B3GALT9: variants seen among roughly 807,000 people sequenced by gnomAD.
The protein encoded by B3GALT9 is UDP-GlcNAc:betaGal beta-1,3-N-acetylglucosaminyltransferase 10 (putative).
rs1169606280 is a variant in B3GALT9 at position 120,800,828 on chromosome 9, A to G, written c.*1150A>G. ...GATAGAGCTCTTGAACTTATTCCTC[A>G]TGTCTAACAAAAATGTTGGATCTCT... is the stretch of plus-strand genomic sequence containing the variant. On this transcript the variant is annotated 3_prime_UTR_variant, in exon 3 of 3. Coordinates refer to ENST00000689072, the MANE Select transcript of B3GALT9 (RefSeq NM_001386823.1). Among the ~76,000 whole-genome samples the G allele has an allele frequency of 6.6e-6, 1 of 152,202 alleles. No individual in the cohort carries two copies. The highest frequency in any genetic ancestry group is 1.5e-5 in the Non-Finnish European group (1 of 68,034).
At chr9:120,797,357 T>G (rs1188056987) in intron 2 of B3GALT9, among the ~76,000 whole-genome samples, 1 of 151,646 alleles carries the variant, frequency 6.6e-6, no homozygotes, top group Non-Finnish European at 1.5e-5. Flanking sequence ...AATACCAAAA[T>G]TAGCCAGGCG....
rs1290063884 is a variant in B3GALT9, at chr9:120,799,015, A to T, written c.447A>T (p.Gly149=). 2.5e-6 allele frequency: 1 copy of T among 398,958 alleles called. No homozygotes were observed. The highest frequency in any genetic ancestry group is 4.4e-5 in the Admixed American group (1 of 22,720). 24.7% of individuals were successfully genotyped at this position (398,958 alleles called of 1,614,324 possible). Residue 149 remains glycine (G), a synonymous_variant, in exon 3 of 3, where the codon GGA becomes GGT. Transcript: ENST00000689072. ...GTAAGAATAATGATATAATTGAAGG[A>T]ATCTTCTTGGACAGTTCTGAGAACC... The part of the protein sequence containing the change: ...ESCKNNDIIE[G]IFLDSSENQT...
chr9:120,793,646 T>C lies in B3GALT9; in HGVS notation c.-458T>C, dbSNP rs1441592861. 1 of 398,784 alleles carries C rather than the reference T, an allele frequency of 2.5e-6. No homozygotes were observed. Among genetic ancestry groups the C allele is most frequent in the Non-Finnish European group, 4.4e-6 (1 of 226,144 alleles). The allele number at this position is 398,784 out of a possible 1,614,324, so 24.7% of individuals were successfully genotyped here. A position where few individuals can be genotyped will look rare whatever the true frequency, so the allele number is the denominator to read the frequency against. ...GTACATCCAGGTTTGCACAGCGCGC[T>C]TATGTCCCTCCTCCAATCTGATCTT... On this transcript the variant is annotated 5_prime_UTR_variant, in exon 1 of 3. Coordinates refer to ENST00000689072, the MANE Select transcript of B3GALT9 (RefSeq NM_001386823.1).
intron 2 of B3GALT9, among the ~76,000 whole-genome samples, 185 bp downstream of exon 2, chr9:120,796,794 C>T (rs924510991): frequency 2.6e-5 from 4 of 152,222 alleles, no homozygotes; most frequent in Admixed American, 6.5e-5. Flanking sequence ...CGGTGGCTCA[C>T]GCCTGTCATC....
At position 120,800,032 on chromosome 9, in the gene B3GALT9, C is replaced by T. The variant is rs1351850430; in HGVS notation, c.*354C>T. The stretch of plus-strand genomic sequence containing the variant: ...TGGCGCAATCTCGACTCACTGCAAC[C>T]TCCACCGCCTGGGCTCAAGGGATCC... On this transcript the variant is annotated 3_prime_UTR_variant, in exon 3 of 3. Coordinates refer to ENST00000689072, the MANE Select transcript of B3GALT9 (RefSeq NM_001386823.1). The T allele has an allele frequency of 1.9e-5, 3 of 157,074 alleles. No homozygotes were observed. The highest frequency in any genetic ancestry group is 4.2e-5 in the Non-Finnish European group (3 of 71,754). 9.7% of individuals were successfully genotyped at this position (157,074 alleles called of 1,614,324 possible).
At chr9:120,795,273 T>A (rs139521708) in intron 1 of B3GALT9, among the ~76,000 whole-genome samples, 1 of 152,156 alleles carries the variant, frequency 6.6e-6, no homozygotes, top group Non-Finnish European at 1.5e-5. Context: ...CAAGCACCCA[T>A]ATCTCTTTGG....
Position 120,800,699 on chromosome 9 carries a change from C to G in B3GALT9, c.*1021C>G, listed in dbSNP as rs192985408. 3.3e-5 allele frequency among the ~76,000 whole-genome samples: 5 copies of G among 152,278 alleles called. No individual in the cohort carries two copies. ...GCTAAATCAAGCTATTTAACACATG[C>G]ATCACCTGACATACTTTTTTGTAGT... On this transcript the variant is annotated 3_prime_UTR_variant, in exon 3 of 3. Transcript: ENST00000689072.
At chr9:120,795,449 T>A (rs565298717) in intron 1 of B3GALT9, among the ~76,000 whole-genome samples, 9 of 152,286 alleles carry the variant, frequency 5.9e-5, no homozygotes, top group Admixed American at 2.0e-4. Context: ...TATAAAAAAA[T>A]TTTTAAATTG....
In B3GALT9 at chr9:120,799,032, C is replaced by G. The variant is rs182917747; in HGVS notation, c.464C>G (p.Ser155Cys). 2.7e-4 allele frequency: 106 copies of G among 399,062 alleles called. No homozygotes were observed. The highest frequency in any genetic ancestry group is 1.0e-3 in the South Asian group (8 of 7,848). The allele number at this position is 399,062 out of a possible 1,614,324, so 24.7% of individuals were successfully genotyped here. A position where few individuals can be genotyped will look rare whatever the true frequency, so the allele number is the denominator to read the frequency against. ...ATTGAAGGAATCTTCTTGGACAGTTCTGAGAACCAAACCCTGAAGATCATT... is the reference window on the plus strand; with the variant it reads ...ATTGAAGGAATCTTCTTGGACAGTTGTGAGAACCAAACCCTGAAGATCATT... ...DIIEGIFLDSSENQTLKIIAM... is the reference protein window; with the variant it reads ...DIIEGIFLDSCENQTLKIIAM... The change falls in exon 3 of 3, where the codon TCT (serine) becomes TGT (cysteine). Residue 155 changes from serine (S) to cysteine (C), a missense_variant. Transcript: ENST00000689072.
chr9:120,796,001 G>A (rs2044936483), intron 1 of B3GALT9, among the ~76,000 whole-genome samples: 1 of 152,144 alleles, frequency 6.6e-6, no homozygotes. Context: ...TGCTTGCATA[G>A]CCAATACTAG....
At position 120,801,453 on chromosome 9, in the gene B3GALT9, A is replaced by G. The variant is rs1398985558; in HGVS notation, c.*1775A>G. Among the ~76,000 whole-genome samples the G allele has an allele frequency of 6.6e-6, 1 of 151,990 alleles. No individual in the cohort carries two copies. The highest frequency in any genetic ancestry group is 2.4e-5 in the African/African-American group (1 of 41,340). On this transcript the variant is annotated 3_prime_UTR_variant, in exon 3 of 3. Coordinates refer to ENST00000689072, the MANE Select transcript of B3GALT9 (RefSeq NM_001386823.1). ...CCTTTGGTCATTTCTAAGTCAGGTTATTTGGGCAGGGCACAGTGGCTCATG... is the reference window on the plus strand; with the variant it reads ...CCTTTGGTCATTTCTAAGTCAGGTTGTTTGGGCAGGGCACAGTGGCTCATG...
chr9:120,801,062 G>A lies in B3GALT9; in HGVS notation c.*1384G>A, dbSNP rs1214923802. 6.6e-6 allele frequency among the ~76,000 whole-genome samples: 1 copy of A among 152,180 alleles called. No individual in the cohort carries two copies. Among genetic ancestry groups the A allele is most frequent in the Admixed American group, 6.5e-5 (1 of 15,280 alleles). On this transcript the variant is annotated 3_prime_UTR_variant, in exon 3 of 3. Transcript: ENST00000689072. ...ATGACAGGATTTCTTTCATTTATAA[G>A]GCTGAATAGCATTTTATTGTGGATA...
rs1050393555 is a variant in B3GALT9, at chr9:120,800,742, A to G, written c.*1064A>G. 1.2e-3 allele frequency among the ~76,000 whole-genome samples: 178 copies of G among 152,130 alleles called. No homozygotes were observed. The highest frequency in any genetic ancestry group is 4.2e-3 in the African/African-American group (173 of 41,420). On this transcript the variant is annotated 3_prime_UTR_variant, in exon 3 of 3. Coordinates refer to ENST00000689072, the MANE Select transcript of B3GALT9 (RefSeq NM_001386823.1). Reference sequence around the variant, plus strand: ...TTTGTAGTGAGAACACTTAAAATCTACTCTACTAACAATTATCAGATATTG... The same window carrying G: ...TTTGTAGTGAGAACACTTAAAATCTGCTCTACTAACAATTATCAGATATTG...
At position 120,800,081 on chromosome 9, in the gene B3GALT9, C is replaced by T. The variant is rs1417458300; in HGVS notation, c.*403C>T. Reference sequence around the variant, plus strand: ...CCTCCCACCTCAGCCTTTTGAGTAGCTGAGACTATAGGCATGTGCCACCAT... The same window carrying T: ...CCTCCCACCTCAGCCTTTTGAGTAGTTGAGACTATAGGCATGTGCCACCAT... On this transcript the variant is annotated 3_prime_UTR_variant, in exon 3 of 3. Coordinates refer to ENST00000689072, the MANE Select transcript of B3GALT9 (RefSeq NM_001386823.1). Among the ~76,000 whole-genome samples, 1 of 150,048 alleles carries T rather than the reference C, an allele frequency of 6.7e-6. No homozygotes were observed. Among genetic ancestry groups the T allele is most frequent in the East Asian group, 2.0e-4 (1 of 5,114 alleles).
intron 1 of B3GALT9, among the ~76,000 whole-genome samples, chr9:120,794,285 A>G (rs2044916808): frequency 6.6e-6 from 1 of 152,162 alleles, no homozygotes; most frequent in Admixed American, 6.5e-5. Flanking sequence ...GCCTAAGGTC[A>G]TAGTAAATGG....
rs1256019573 is a variant in B3GALT9 at position 120,800,011 on chromosome 9, G to A, written c.*333G>A. ...GTCACCCAGGCTGGAGTGCAGTGGC[G>A]CAATCTCGACTCACTGCAACCTCCA... On this transcript the variant is annotated 3_prime_UTR_variant, in exon 3 of 3. Transcript: ENST00000689072. 4 of 158,970 alleles carry A rather than the reference G, an allele frequency of 2.5e-5. No individual in the cohort carries two copies. The highest frequency in any genetic ancestry group is 1.8e-4 in the East Asian group (1 of 5,594). 9.8% of individuals were successfully genotyped at this position (158,970 alleles called of 1,614,324 possible). A position where few individuals can be genotyped will look rare whatever the true frequency, so the allele number is the denominator to read the frequency against.
chr9:120,793,811 T>C lies in B3GALT9; in HGVS notation c.-293T>C. 5.1e-6 allele frequency: 2 copies of C among 394,348 alleles called. No individual in the cohort carries two copies. The allele number at this position is 394,348 out of a possible 1,614,324, so 24.4% of individuals were successfully genotyped here. The stretch of plus-strand genomic sequence containing the variant: ...TTATCCCGAACGCTGTTCTAGGGGA[T>C]AGGGTTAGTGAACAAAAAACGCAAA... On this transcript the variant is annotated 5_prime_UTR_variant, in exon 1 of 3. Transcript: ENST00000689072.
intron 1 of B3GALT9, 72 bp from the exon 2 acceptor site, chr9:120,796,351 G>T (rs775295915): frequency 6.6e-6 from 1 of 152,234 alleles, no homozygotes; most frequent in Non-Finnish European, 1.5e-5. Flanking sequence ...ATTTGAAGAG[G>T]TTTGCTTTGT....
intron 2 of B3GALT9, among the ~76,000 whole-genome samples, chr9:120,797,684 A>G (rs10985041): frequency 0.13 from 20,101 of 152,240 alleles, 1,430 homozygotes; most frequent in Middle Eastern, 0.18. Context: ...GGCTAAATGA[A>G]TTAAGACACA....
Sources: allele counts gnomAD v4.1 joint callset (sites outside exome capture counted in the v4.1 genomes callset), GRCh38; gene constraint gnomAD v4.1.1; transcripts MANE v1.5; gene names NCBI Gene and HGNC (gene_info 2026-07-23, HGNC 2026-07-21).